Variants in NTRK3 observed in about 807,000 individuals in gnomAD.
The protein encoded by NTRK3 is neurotrophic receptor tyrosine kinase 3, also known as NT-3 growth factor receptor.
NTRK3 carries 24 observed loss-of-function variants against 91.7 expected under a neutral mutation model. That is an observed-to-expected ratio of 0.26 (90% CI 0.19 to 0.37). The LOEUF (loss-of-function observed/expected upper bound fraction) is 0.37. Among genes scored for constraint, NTRK3 ranks in the 10% least tolerant of loss-of-function variants. The probability of loss-of-function intolerance (pLI) is 1.00; values close to 1 mark genes in which losing one functional copy is unlikely to be tolerated. For missense variants in NTRK3, 880 were observed against 1,068.9 expected, an observed-to-expected ratio of 0.82 and a Z score of 2.46; for synonymous variants, 483 against 404.0, an observed-to-expected ratio of 1.20 and a Z score of -2.34.
intron 14 of NTRK3, among the ~76,000 whole-genome samples, chr15:88,015,196 C>G (rs1479112791): frequency 6.6e-6 from 1 of 152,220 alleles, no homozygotes; most frequent in Non-Finnish European, 1.5e-5. Flanking sequence ...AGTTTCTTCA[C>G]TCCTCTAGTC....
At chr15:88,114,011 C>G (rs537577658) in intron 13 of NTRK3, among the ~76,000 whole-genome samples, 5 of 152,102 alleles carry the variant, frequency 3.3e-5, no homozygotes, top group East Asian at 3.9e-4. Flanking sequence ...CAGTACCCCC[C>G]CCACCACCAA....
intron 13 of NTRK3, among the ~76,000 whole-genome samples, chr15:88,057,491 C>G (rs984662099): frequency 1.4e-5 from 2 of 144,844 alleles, no homozygotes; most frequent in Admixed American, 6.9e-5. Flanking sequence ...GAGCGAGACT[C>G]CCTCTAAAAA....
chr15:88,145,486 A>C (rs1041918094), intron 6 of NTRK3, among the ~76,000 whole-genome samples: 1 of 151,934 alleles, frequency 6.6e-6, no homozygotes, highest in Non-Finnish European at 1.5e-5. Context: ...CATCTAACTC[A>C]CTGGTGTATT....
At position 88,255,807 on chromosome 15, in the gene NTRK3, G is replaced by T; in HGVS notation, c.248+99C>A. ...CGCCCAGCGGGCGGCGGGCAGCGGCGAGCTGGGGCGGGCGGAGGGCCGGCT... is the reference window on the plus strand; with the variant it reads ...CGCCCAGCGGGCGGCGGGCAGCGGCTAGCTGGGGCGGGCGGAGGGCCGGCT... On this transcript the variant is annotated intron_variant, in intron 3 of 18. Coordinates refer to ENST00000394480, the Ensembl canonical transcript of NTRK3. The surrounding 1 kb of genome is among the most constrained non-coding windows in gnomAD (Gnocchi z 4.3). 2 of 1,066,848 alleles carry T rather than the reference G, an allele frequency of 1.9e-6. No individual in the cohort carries two copies. Among genetic ancestry groups the T allele is most frequent in the South Asian group, 4.9e-5 (2 of 40,490 alleles). The allele number at this position is 1,066,848 out of a possible 1,614,324, so 66.1% of individuals were successfully genotyped here.
intron 14 of NTRK3, among the ~76,000 whole-genome samples, chr15:87,956,300 A>T (rs1283339889): frequency 6.6e-6 from 1 of 152,218 alleles, no homozygotes; most frequent in East Asian, 1.9e-4. Context: ...TGTTTGAGAC[A>T]GAGTCACTCT....
At chr15:88,051,002 C>T (rs931284111) in intron 13 of NTRK3, among the ~76,000 whole-genome samples, 1 of 152,196 alleles carries the variant, frequency 6.6e-6, no homozygotes, top group Non-Finnish European at 1.5e-5. Flanking sequence ...AATTTACTCT[C>T]TAATACCATT....
chr15:87,969,852 A>G (rs2073112781), intron 14 of NTRK3, among the ~76,000 whole-genome samples: 2 of 152,220 alleles, frequency 1.3e-5, no homozygotes, highest in Non-Finnish European at 2.9e-5. Flanking sequence ...CAGCTGTGAC[A>G]GAGAGGGTCT....
intron 13 of NTRK3, among the ~76,000 whole-genome samples, chr15:88,035,896 T>A (rs557432750): frequency 6.6e-6 from 1 of 152,140 alleles, no homozygotes; most frequent in East Asian, 1.9e-4. Flanking sequence ...ATTACGATCG[T>A]CAAAATTTTA....
At chr15:88,087,848 A>C (rs1178998834) in intron 13 of NTRK3, among the ~76,000 whole-genome samples, 1 of 152,198 alleles carries the variant, frequency 6.6e-6, no homozygotes, top group Non-Finnish European at 1.5e-5. Context: ...CAGAAGTTCA[A>C]GACCAGCCTG....
intron 5 of NTRK3, among the ~76,000 whole-genome samples, chr15:88,171,378 G>A (rs985603187): frequency 6.6e-6 from 1 of 152,124 alleles, no homozygotes; most frequent in Non-Finnish European, 1.5e-5. Flanking sequence ...AGACATGGAG[G>A]GTCTCTGCTG....
intron 13 of NTRK3, among the ~76,000 whole-genome samples, chr15:88,046,696 G>A (rs1396803130): frequency 2.0e-5 from 3 of 152,074 alleles, no homozygotes; most frequent in East Asian, 3.9e-4. Context: ...CTTGAACCTT[G>A]GCTGCTGTCT....
chr15:87,884,373 A>G (rs10162849), intron 17 of NTRK3, among the ~76,000 whole-genome samples: 107,724 of 151,428 alleles, frequency 0.71, 38,412 homozygotes, highest in Non-Finnish European at 0.75. Flanking sequence ...AGGTTCAGAT[A>G]GTTTTCTGGT....
intron 13 of NTRK3, among the ~76,000 whole-genome samples, chr15:88,035,307 C>T (rs923196096): frequency 6.6e-6 from 1 of 152,160 alleles, no homozygotes; most frequent in Admixed American, 6.5e-5. Context: ...TATCACCTTG[C>T]TCCCTTCCCA....
At chr15:88,224,596 C>G (rs2050521311) in intron 3 of NTRK3, among the ~76,000 whole-genome samples, 1 of 152,248 alleles carries the variant, frequency 6.6e-6, no homozygotes. Context: ...AAGTCCATAG[C>G]AGGGCCTGGA....
At chr15:88,135,014 C>A in intron 10 of NTRK3, 87 bp downstream of exon 10, 1 of 1,480,870 alleles carries the variant, frequency 6.8e-7, no homozygotes, top group Non-Finnish European at 9.4e-7. Flanking sequence ...AGTACTGATG[C>A]TGCTTCTCCT....
chr15:88,246,506 C>T (rs1050656035), intron 3 of NTRK3, among the ~76,000 whole-genome samples: 1 of 152,164 alleles, frequency 6.6e-6, no homozygotes, highest in African/African-American at 2.4e-5. Flanking sequence ...AGCCTGAGAG[C>T]CTGTATAAAG....
chr15:88,131,014 T>C (rs1198009661), intron 10 of NTRK3, among the ~76,000 whole-genome samples: 4 of 152,234 alleles, frequency 2.6e-5, no homozygotes, highest in Admixed American at 6.5e-5. Context: ...TTTTAAAATA[T>C]GAATTCCAAA....
At chr15:88,037,605 A>G (rs938918094) in intron 13 of NTRK3, among the ~76,000 whole-genome samples, 1 of 152,184 alleles carries the variant, frequency 6.6e-6, no homozygotes, top group Non-Finnish European at 1.5e-5. Context: ...GAGAGTGTCT[A>G]GAAGTTCAAG....
At chr15:88,041,631 C>T (rs750652745) in intron 13 of NTRK3, among the ~76,000 whole-genome samples, 3 of 152,156 alleles carry the variant, frequency 2.0e-5, no homozygotes, top group Non-Finnish European at 2.9e-5. Context: ...CCAACTTAGA[C>T]GCAAGGGCTC....
Sources: allele counts gnomAD v4.1 joint callset (sites outside exome capture counted in the v4.1 genomes callset), GRCh38; gene constraint gnomAD v4.1.1; non-coding constraint Gnocchi (gnomAD v3.1); transcripts MANE v1.5; gene names NCBI Gene and HGNC (gene_info 2026-07-23, HGNC 2026-07-21).